AKR1C8: variants seen among roughly 807,000 people sequenced by gnomAD.
AKR1C8 encodes aldo-keto reductase family 1 member C-like protein 1.
At chr10:5,156,897 C>G in the AKR1C8 span, among the ~76,000 whole-genome samples, 1 of 152,258 alleles carries the variant, frequency 6.6e-6, no homozygotes, top group Non-Finnish European at 1.5e-5. Flanking sequence ...TGAGAAACAG[C>G]TTACATATTT....
At chr10:5,136,275 C>T in the AKR1C8 span, among the ~76,000 whole-genome samples, 14 of 152,088 alleles carry the variant, frequency 9.2e-5, no homozygotes, top group African/African-American at 1.9e-4. Flanking sequence ...GGGCCAGACA[C>T]GTTGGCTCAC....
At chr10:5,157,799 C>A in the AKR1C8 span, 2 of 470,146 alleles carry the variant, frequency 4.3e-6, no homozygotes, top group South Asian at 3.1e-5. Flanking sequence ...TCGGGATCCA[C>A]CCTGTTGGGG....
chr10:5,117,296 C>A, the AKR1C8 span, among the ~76,000 whole-genome samples: 64 of 152,216 alleles, frequency 4.2e-4, 1 homozygote, highest in Admixed American at 4.2e-3. Context: ...GAGCTGCCCT[C>A]AGATAACAAG....
At chr10:5,139,854 C>G in the AKR1C8 span, among the ~76,000 whole-genome samples, 1 of 152,112 alleles carries the variant, frequency 6.6e-6, no homozygotes, top group Non-Finnish European at 1.5e-5. Flanking sequence ...TCAGAGTGAA[C>G]AGGCAACCTA....
chr10:5,132,504 A>T, the AKR1C8 span: 6 of 1,172,390 alleles, frequency 5.1e-6, no homozygotes, highest in Non-Finnish European at 6.8e-6. Context: ...GGAACCAATA[A>T]GCACAATTCA....
the AKR1C8 span, among the ~76,000 whole-genome samples, chr10:5,146,411 G>A: frequency 1.3e-5 from 2 of 151,908 alleles, no homozygotes; most frequent in African/African-American, 2.4e-5. Context: ...AATGTTGATT[G>A]GTAAAGTTAA....
chr10:5,179,585 G>A, the AKR1C8 span, among the ~76,000 whole-genome samples: 1 of 150,260 alleles, frequency 6.7e-6, no homozygotes, highest in Non-Finnish European at 1.5e-5. Flanking sequence ...TTCCAACTTG[G>A]TTCCATTCTC....
the AKR1C8 span, among the ~76,000 whole-genome samples, chr10:5,178,097 T>A: frequency 6.6e-6 from 1 of 151,940 alleles, no homozygotes; most frequent in East Asian, 1.9e-4. Context: ...GATCTTTCCT[T>A]CTTTTTCTTG....
the AKR1C8 span, among the ~76,000 whole-genome samples, chr10:5,129,890 GAGAC>G: frequency 8.6e-5 from 13 of 151,776 alleles, no homozygotes; most frequent in African/African-American, 2.7e-4. Flanking sequence ...AAGATAGAGA[GAGAC>G]GGAACTCTGC....
chr10:5,139,127 T>C, the AKR1C8 span, among the ~76,000 whole-genome samples: 1 of 152,126 alleles, frequency 6.6e-6, no homozygotes, highest in Non-Finnish European at 1.5e-5. Flanking sequence ...CAAGGAGAAC[T>C]ACAAACCACT....
chr10:5,175,230 G>GT, the AKR1C8 span, among the ~76,000 whole-genome samples: 1 of 150,362 alleles, frequency 6.7e-6, no homozygotes, highest in African/African-American at 2.5e-5. Flanking sequence ...GCGATGTTTG[G>GT]TTTTTTGTCC....
chr10:5,167,973 A>T, the AKR1C8 span, among the ~76,000 whole-genome samples: 1 of 152,126 alleles, frequency 6.6e-6, no homozygotes, highest in Non-Finnish European at 1.5e-5. Flanking sequence ...ATGCTACAGA[A>T]ATAGTCAGAT....
the AKR1C8 span, among the ~76,000 whole-genome samples, chr10:5,166,899 G>A: frequency 2.6e-5 from 4 of 151,474 alleles, no homozygotes; most frequent in African/African-American, 9.7e-5. Flanking sequence ...TCTGACAAAG[G>A]GCAAATATCA....
chr10:5,142,486 A>G, the AKR1C8 span, among the ~76,000 whole-genome samples: 1 of 152,142 alleles, frequency 6.6e-6, no homozygotes, highest in Non-Finnish European at 1.5e-5. Context: ...AAGCTTAATC[A>G]TGTGTAGCTT....
At chr10:5,150,748 A>T in the AKR1C8 span, among the ~76,000 whole-genome samples, 1 of 148,414 alleles carries the variant, frequency 6.7e-6, no homozygotes, top group Non-Finnish European at 1.5e-5. Context: ...TGCAAAGATT[A>T]AAAAAAAAAC....
chr10:5,180,058 T>C, the AKR1C8 span, among the ~76,000 whole-genome samples: 1 of 152,258 alleles, frequency 6.6e-6, no homozygotes, highest in Admixed American at 6.5e-5. Context: ...CTCTGCTTTT[T>C]AGAGTTTCCA....
the AKR1C8 span, among the ~76,000 whole-genome samples, chr10:5,129,525 T>G: frequency 6.6e-6 from 1 of 151,902 alleles, no homozygotes; most frequent in East Asian, 1.9e-4. Flanking sequence ...AGACCATTAG[T>G]GAGATTAACC....
the AKR1C8 span, chr10:5,161,997 A>C: frequency 1.9e-6 from 1 of 527,362 alleles, no homozygotes; most frequent in South Asian, 1.4e-5. Context: ...AGAAACAAAA[A>C]TGGATTATAA....
At chr10:5,165,721 T>G in the AKR1C8 span, among the ~76,000 whole-genome samples, 1 of 152,158 alleles carries the variant, frequency 6.6e-6, no homozygotes, top group Admixed American at 6.6e-5. Context: ...AGAAATTCAA[T>G]GCTTTACCAG....
Sources: gnomAD v4.1 joint callset for allele counts (sites outside exome capture counted in the v4.1 genomes callset) on GRCh38, gnomAD v4.1.1 for gene constraint, MANE v1.5 for transcripts, NCBI Gene and HGNC (gene_info 2026-07-23, HGNC 2026-07-21) for gene names.